The following XKR4 variants were observed in gnomAD, a reference collection of about 807,000 sequenced individuals.
XKR4 encodes XK-related protein 4.
Under a neutral mutation model 53.9 loss-of-function variants are expected in XKR4, and 12 were observed. The ratio of observed to expected loss-of-function variants is 0.22; its 90% CI spans 0.14 to 0.36. The LOEUF (loss-of-function observed/expected upper bound fraction) is 0.36. XKR4 is among the 10% of genes least tolerant of loss of function. The pLI is 1.00. For missense variants in XKR4, 799 were observed against 859.5 expected (o/e 0.93, Z 0.88); for synonymous variants, 354 against 362.4 (o/e 0.98, Z 0.26).
chr8:55,424,645 T>A (rs1804987533), intron 2 of XKR4, among the ~76,000 whole-genome samples: 1 of 152,240 alleles, frequency 6.6e-6, no homozygotes, highest in South Asian at 2.1e-4. Flanking sequence ...ACAAAGAGAA[T>A]ATCCACAAGG....
rs370168877 is a variant in XKR4, at chr8:55,461,234, G to A, written c.1007-62047G>A. 7.9e-5 allele frequency among the ~76,000 whole-genome samples: 12 copies of A among 152,298 alleles called. No homozygotes were observed. In the South Asian group the frequency reaches 8.3e-4, roughly 11 times the overall value. ...CTGGAAGGCACCCCCCAGTAGGGGC[G>A]GACTGACACCTCACAAAGCCAGGTA... is the stretch of plus-strand genomic sequence containing the variant. On this transcript the variant is annotated intron_variant, in intron 2 of 2. Transcript: ENST00000327381.
At chr8:55,217,182 C>T (rs1817813852) in intron 1 of XKR4, among the ~76,000 whole-genome samples, 1 of 136,496 alleles carries the variant, frequency 7.3e-6, no homozygotes, top group South Asian at 2.3e-4. Flanking sequence ...GCAGAGCTTG[C>T]AGTGAGCCAA....
intron 1 of XKR4, among the ~76,000 whole-genome samples, chr8:55,335,550 G>A (rs1803447883): frequency 1.3e-5 from 2 of 152,154 alleles, no homozygotes; most frequent in African/African-American, 4.8e-5. Flanking sequence ...CAATTATCAT[G>A]TAAAGCAGCA....
At position 55,117,826 on chromosome 8, in the gene XKR4, A is replaced by C. The variant is rs148152295; in HGVS notation, c.806+14532A>C. The stretch of plus-strand genomic sequence containing the variant: ...CTGTGCTAAAAATGGTAATGAGTTC[A>C]ATGTTACCATAATATCAATGAGAAC... On this transcript the variant is annotated intron_variant, in intron 1 of 2. Coordinates refer to ENST00000327381, the MANE Select transcript of XKR4 (RefSeq NM_052898.2). Among the ~76,000 whole-genome samples the C allele has an allele frequency of 8.4e-3, 1,274 of 152,322 alleles. 5 individuals are homozygous for C. The highest frequency in any genetic ancestry group is 0.025 in the South Asian group (119 of 4,826).
intron 1 of XKR4, among the ~76,000 whole-genome samples, chr8:55,140,584 T>A (rs766594087): frequency 5.3e-5 from 8 of 152,248 alleles, no homozygotes; most frequent in Non-Finnish European, 1.0e-4. Context: ...TGCATTGCTC[T>A]GGGGTTTTCA....
intron 1 of XKR4, among the ~76,000 whole-genome samples, chr8:55,356,132 T>G (rs74617880): frequency 6.6e-6 from 1 of 152,312 alleles, no homozygotes; most frequent in African/African-American, 2.4e-5. Context: ...GCAAGAGAGC[T>G]GGAGAAGTAT....
chr8:55,371,415 T>A (rs1348080987), intron 2 of XKR4, among the ~76,000 whole-genome samples: 2 of 152,080 alleles, frequency 1.3e-5, no homozygotes, highest in African/African-American at 2.4e-5. Flanking sequence ...TCAGAGTAAA[T>A]CCTTGCATAT....
chr8:55,143,319 C>T (rs1816730569), intron 1 of XKR4, among the ~76,000 whole-genome samples: 1 of 152,178 alleles, frequency 6.6e-6, no homozygotes, highest in Non-Finnish European at 1.5e-5. Context: ...TGTGCAGACA[C>T]TGCCCAATAA....
chr8:55,138,555 T>C (rs897379019), intron 1 of XKR4, among the ~76,000 whole-genome samples: 1 of 152,252 alleles, frequency 6.6e-6, no homozygotes, highest in African/African-American at 2.4e-5. Context: ...TAAATATTTC[T>C]AAAGCATGAT....
intron 2 of XKR4, chr8:55,517,308 T>A (rs977298232): frequency 3.3e-5 from 5 of 150,586 alleles, no homozygotes; most frequent in African/African-American, 4.9e-5. Flanking sequence ...TTTTTTTAAA[T>A]GACAGGGGAA....
intron 2 of XKR4, among the ~76,000 whole-genome samples, chr8:55,391,273 G>T (rs1804439630): frequency 6.6e-6 from 1 of 152,054 alleles, no homozygotes; most frequent in Non-Finnish European, 1.5e-5. Context: ...CTACCCTAAA[G>T]ATACACCTCC....
chr8:55,453,019 G>A (rs1385161026), intron 2 of XKR4: 6 of 639,928 alleles, frequency 9.4e-6, no homozygotes, highest in East Asian at 3.7e-5. Flanking sequence ...AGGGCAGAGT[G>A]CTCTCTCATC....
intron 1 of XKR4, among the ~76,000 whole-genome samples, chr8:55,293,965 A>C (rs1819065083): frequency 6.6e-6 from 1 of 152,244 alleles, no homozygotes; most frequent in Admixed American, 6.5e-5. Context: ...TAGGTCATTA[A>C]CATCTACGTT....
Position 55,530,676 on chromosome 8 carries a change from A to G in XKR4, c.*6449A>G, listed in dbSNP as rs989019023. ...AATGTAGTGTATTAAAATACAAGTA[A>G]CTATCTTCCTACTTTGATTTAAGAG... On this transcript the variant is annotated 3_prime_UTR_variant, in exon 3 of 3. Coordinates refer to ENST00000327381, the MANE Select transcript of XKR4 (RefSeq NM_052898.2). 1 of 152,238 alleles carries G rather than the reference A, an allele frequency of 6.6e-6. No homozygotes were observed. The highest frequency in any genetic ancestry group is 1.5e-5 in the Non-Finnish European group (1 of 68,050). 9.4% of individuals were successfully genotyped at this position (152,238 alleles called of 1,614,324 possible).
intron 1 of XKR4, among the ~76,000 whole-genome samples, chr8:55,195,223 A>G (rs1402760011): frequency 9.9e-6 from 1 of 101,426 alleles, no homozygotes; most frequent in Non-Finnish European, 2.4e-5. Context: ...ATCAGATTTT[A>G]CTATTAATGT....
At chr8:55,205,752 G>C (rs1460430515) in intron 1 of XKR4, among the ~76,000 whole-genome samples, 2 of 152,194 alleles carry the variant, frequency 1.3e-5, no homozygotes, top group Admixed American at 1.3e-4. Flanking sequence ...AGCATCTCAT[G>C]ATGAGAAAAT....
At chr8:55,228,977 G>A (rs1421563008) in intron 1 of XKR4, among the ~76,000 whole-genome samples, 1 of 152,120 alleles carries the variant, frequency 6.6e-6, no homozygotes, top group Non-Finnish European at 1.5e-5. Flanking sequence ...CCATTCAACT[G>A]ATGTTTTTCT....
At chr8:55,120,522 G>A (rs1436233225) in intron 1 of XKR4, among the ~76,000 whole-genome samples, 2 of 151,354 alleles carry the variant, frequency 1.3e-5, no homozygotes, top group African/African-American at 2.4e-5. Flanking sequence ...TTAAGAAAAT[G>A]GTACTTTTGA....
intron 1 of XKR4, among the ~76,000 whole-genome samples, chr8:55,240,749 T>G (rs1341702620): frequency 6.6e-6 from 1 of 152,186 alleles, no homozygotes; most frequent in African/African-American, 2.4e-5. Flanking sequence ...AAGTAAATTA[T>G]CATTTCACAA....
Sources: gnomAD v4.1 joint callset for allele counts (sites outside exome capture counted in the v4.1 genomes callset) on GRCh38, gnomAD v4.1.1 for gene constraint, MANE v1.5 for transcripts, NCBI Gene and HGNC (gene_info 2026-07-23, HGNC 2026-07-21) for gene names.